PITPNC1: variants seen among roughly 807,000 people sequenced by gnomAD.
PITPNC1 encodes phosphatidylinositol transfer protein cytoplasmic 1.
PITPNC1 carries 18 observed loss-of-function variants against 44.7 expected under a neutral mutation model. The observed-to-expected ratio is 0.40, with a 90% confidence interval of 0.28 to 0.60. The LOEUF (loss-of-function observed/expected upper bound fraction) is 0.60, where lower values mean the gene tolerates loss of function less well. Among genes scored for constraint, PITPNC1 ranks in the 20% least tolerant of loss-of-function variants. PITPNC1 has a pLI of 0.39. For missense variants in PITPNC1, 290 were observed against 418.4 expected (o/e 0.69, Z 2.68); for synonymous variants, 141 against 149.6 (o/e 0.94, Z 0.42).
chr17:67,472,275 A>T (rs2039548315), intron 1 of PITPNC1, among the ~76,000 whole-genome samples: 1 of 141,428 alleles, frequency 7.1e-6, no homozygotes, highest in South Asian at 2.3e-4. Context: ...CATTGGAAGA[A>T]GAATTGTCTT....
At chr17:67,671,338 T>G (rs529447361) in intron 7 of PITPNC1, among the ~76,000 whole-genome samples, 1 of 152,204 alleles carries the variant, frequency 6.6e-6, no homozygotes, top group African/African-American at 2.4e-5. Flanking sequence ...TAAGAATAAA[T>G]ACTACCCAAA....
At chr17:67,617,322 A>G (rs1200000887) in intron 5 of PITPNC1, among the ~76,000 whole-genome samples, 1 of 152,252 alleles carries the variant, frequency 6.6e-6, no homozygotes, top group Non-Finnish European at 1.5e-5. Flanking sequence ...CCTGGCCACC[A>G]TAGTGAGAAC....
At chr17:67,388,895 G>T (rs988373639) in intron 1 of PITPNC1, among the ~76,000 whole-genome samples, 1 of 152,122 alleles carries the variant, frequency 6.6e-6, no homozygotes, top group Non-Finnish European at 1.5e-5. Flanking sequence ...GAGCCACCGC[G>T]CCTGGCAGTA....
chr17:67,602,668 CAGGGGCCTGGAGGAGG>C (rs2041556756), intron 5 of PITPNC1, among the ~76,000 whole-genome samples: 1 of 152,134 alleles, frequency 6.6e-6, no homozygotes, highest in South Asian at 2.1e-4. Flanking sequence ...GGCTAGAAAG[CAGGGGCCTGGAGGAGG>C]AGGGCCCTGG....
At chr17:67,519,908 C>G (rs1394924327) in intron 1 of PITPNC1, among the ~76,000 whole-genome samples, 1 of 152,204 alleles carries the variant, frequency 6.6e-6, no homozygotes, top group African/African-American at 2.4e-5. Flanking sequence ...TCAAATATCA[C>G]TGAGATCTTG....
At chr17:67,417,652 C>G (rs546001492) in intron 1 of PITPNC1, among the ~76,000 whole-genome samples, 7 of 152,256 alleles carry the variant, frequency 4.6e-5, no homozygotes, top group Non-Finnish European at 8.8e-5. Flanking sequence ...TTGCACAGCT[C>G]TTAAGTTATT....
intron 8 of PITPNC1, among the ~76,000 whole-genome samples, chr17:67,689,093 T>C (rs895447222): frequency 4.6e-5 from 7 of 152,118 alleles, no homozygotes; most frequent in African/African-American, 1.7e-4. Flanking sequence ...TCCCAGCTAC[T>C]CGGGAGGCTG....
chr17:67,475,119 A>T lies in PITPNC1; in HGVS notation c.49-57683A>T, dbSNP rs552612245. Among the ~76,000 whole-genome samples, 153 of 152,344 alleles carry T rather than the reference A, an allele frequency of 1.0e-3. 1 individual carries two copies. Among genetic ancestry groups the T allele is most frequent in the South Asian group, 2.7e-3 (13 of 4,822 alleles). ...ATAGCGGATGGTCCTTTCAGCACAC[A>T]GCACAGATGAATGAAGAGGAAATGA... On this transcript the variant is annotated intron_variant, in intron 1 of 8. Transcript: ENST00000581322.
At chr17:67,625,835 T>A (rs2041889024) in intron 5 of PITPNC1, among the ~76,000 whole-genome samples, 1 of 152,092 alleles carries the variant, frequency 6.6e-6, no homozygotes, top group East Asian at 1.9e-4. Context: ...TTGATCTCAG[T>A]CTCCTTAGGG....
intron 1 of PITPNC1, among the ~76,000 whole-genome samples, chr17:67,438,355 C>T (rs983756010): frequency 1.4e-5 from 2 of 147,198 alleles, no homozygotes; most frequent in Admixed American, 6.8e-5. Flanking sequence ...CTCGCTCTAT[C>T]GCCCAGGCTG....
At chr17:67,528,094 T>C (rs966914907) in intron 1 of PITPNC1, among the ~76,000 whole-genome samples, 1 of 152,206 alleles carries the variant, frequency 6.6e-6, no homozygotes, top group Non-Finnish European at 1.5e-5. Flanking sequence ...CAGGCTGGAG[T>C]GCAGTGGCGT....
At chr17:67,385,476 AC>A (rs1407768846) in intron 1 of PITPNC1, among the ~76,000 whole-genome samples, 1 of 145,340 alleles carries the variant, frequency 6.9e-6, no homozygotes, top group African/African-American at 2.5e-5. Flanking sequence ...ATGGCTGACC[AC>A]CCCTCCCCCC....
Position 67,475,895 on chromosome 17 carries a change from T to A in PITPNC1, c.49-56907T>A, listed in dbSNP as rs1378455055. 6.6e-5 allele frequency among the ~76,000 whole-genome samples: 10 copies of A among 152,150 alleles called. No individual in the cohort carries two copies. The East Asian group carries it at 1.7e-3, about 26-fold the overall frequency. On this transcript the variant is annotated intron_variant, in intron 1 of 8. Transcript: ENST00000581322. ...TCGACTGTCAGTTAAGGCATTGGGC[T>A]GTGGGAAGTTAACAGAGCAACAGAG...
intron 4 of PITPNC1, among the ~76,000 whole-genome samples, chr17:67,574,821 G>A (rs1451356010): frequency 6.6e-6 from 1 of 152,104 alleles, no homozygotes; most frequent in Non-Finnish European, 1.5e-5. Flanking sequence ...TGCCGAAGGA[G>A]AAAGTACTGA....
At chr17:67,601,000 C>T (rs1467020413) in intron 5 of PITPNC1, among the ~76,000 whole-genome samples, 2 of 151,994 alleles carry the variant, frequency 1.3e-5, no homozygotes, top group African/African-American at 4.8e-5. Flanking sequence ...CTCATTAATC[C>T]TCTAATATCC....
intron 4 of PITPNC1, among the ~76,000 whole-genome samples, chr17:67,566,010 A>T (rs2040976022): frequency 1.3e-5 from 2 of 150,828 alleles, no homozygotes; most frequent in Admixed American, 1.3e-4. Context: ...AAATGGGGCT[A>T]TCCTGTTTTA....
intron 1 of PITPNC1, among the ~76,000 whole-genome samples, chr17:67,495,108 G>A (rs1402634944): frequency 1.5e-4 from 19 of 125,030 alleles, no homozygotes; most frequent in African/African-American, 5.2e-4. Flanking sequence ...CCAGGCTGGA[G>A]TGCAGTGGCG....
chr17:67,563,844 A>T (rs2040937418), intron 4 of PITPNC1, among the ~76,000 whole-genome samples: 1 of 152,166 alleles, frequency 6.6e-6, no homozygotes, highest in Non-Finnish European at 1.5e-5. Context: ...TTCTCCAGAG[A>T]GACAGAACCA....
chr17:67,575,342 G>A (rs763380017), intron 4 of PITPNC1, among the ~76,000 whole-genome samples: 1 of 152,128 alleles, frequency 6.6e-6, no homozygotes, highest in African/African-American at 2.4e-5. Context: ...TAAGGGCAGC[G>A]GTTATGGAGT....
Sources: gnomAD v4.1 joint callset for allele counts (sites outside exome capture counted in the v4.1 genomes callset) on GRCh38, gnomAD v4.1.1 for gene constraint, MANE v1.5 for transcripts, NCBI Gene and HGNC (gene_info 2026-07-23, HGNC 2026-07-21) for gene names.